TRPC4: variants seen among roughly 807,000 people sequenced by gnomAD.
TRPC4 encodes the protein transient receptor potential cation channel subfamily C member 4.
In TRPC4, 49 loss-of-function variants were observed where a neutral mutation model predicts 99.4. That is an observed-to-expected ratio of 0.49 (90% CI 0.39 to 0.63). The LOEUF (loss-of-function observed/expected upper bound fraction) is 0.63, where lower values mean the gene tolerates loss of function less well. Ranked by LOEUF, TRPC4 falls within the 20% of genes least tolerant of loss-of-function variation. The probability of loss-of-function intolerance (pLI) is 0.00; values close to 1 mark genes in which losing one functional copy is unlikely to be tolerated. For missense variants in TRPC4, 898 were observed against 1,152.9 expected (o/e 0.78, Z 3.20); for synonymous variants, 454 against 425.9 (o/e 1.07, Z -0.81).
At position 37,839,222 on chromosome 13, in the gene TRPC4, A is replaced by G. The variant is rs531239835; in HGVS notation, c.-28+30373T>C. On this transcript the variant is annotated intron_variant, in intron 1 of 10. Coordinates refer to ENST00000379705, the MANE Select transcript of TRPC4 (RefSeq NM_016179.4). ...GCTATTCGCATTCCCTCCTAGAGCC[A>G]TCATGTGCCTGCTTTTCCTCTGTTC... Among the ~76,000 whole-genome samples, 33 of 152,240 alleles carry G rather than the reference A, an allele frequency of 2.2e-4. No individual in the cohort carries two copies. In the South Asian group the frequency reaches 6.4e-3, roughly 30 times the overall value.
chr13:37,697,496 G>A (rs1367372125), intron 3 of TRPC4, among the ~76,000 whole-genome samples: 2 of 152,224 alleles, frequency 1.3e-5, no homozygotes, highest in Non-Finnish European at 2.9e-5. Flanking sequence ...TAAAAACACA[G>A]GGATAGAGAT....
intron 4 of TRPC4, among the ~76,000 whole-genome samples, chr13:37,683,663 CT>C (rs1431057542): frequency 6.6e-6 from 1 of 152,126 alleles, no homozygotes; most frequent in African/African-American, 2.4e-5. Flanking sequence ...CAAGAAAGAG[CT>C]CTGACCAGGG....
intron 1 of TRPC4, among the ~76,000 whole-genome samples, chr13:37,808,456 G>T (rs533216197): frequency 6.6e-6 from 1 of 152,144 alleles, no homozygotes; most frequent in African/African-American, 2.4e-5. Context: ...AATACATTTT[G>T]ATGGAACTGT....
chr13:37,729,078 A>G (rs1231944535), intron 3 of TRPC4, among the ~76,000 whole-genome samples: 6 of 152,158 alleles, frequency 3.9e-5, no homozygotes, highest in Admixed American at 2.6e-4. Flanking sequence ...TTAGAAAAAT[A>G]AGTAGAACAT....
At chr13:37,674,452 C>G in intron 4 of TRPC4, 85 bp from the exon 5 acceptor site, 1 of 1,445,866 alleles carries the variant, frequency 6.9e-7, no homozygotes, top group Non-Finnish European at 9.3e-7. Flanking sequence ...TTATAGATCT[C>G]GAAGCTACAA....
rs1951431046 is a variant in TRPC4 at position 37,633,239 on chromosome 13, A to C, written c.*3664T>G. 6.6e-6 allele frequency among the ~76,000 whole-genome samples: 1 copy of C among 152,204 alleles called. No homozygotes were observed. The highest frequency in any genetic ancestry group is 2.4e-5 in the African/African-American group (1 of 41,460). On this transcript the variant is annotated 3_prime_UTR_variant, in exon 11 of 11. Transcript: ENST00000379705. ...TATTAAATTTCTAAATTCTATGGTT[A>C]GTTTTAAGTCAGAATTTCAGATAAT...
chr13:37,727,820 A>G (rs1195659092), intron 3 of TRPC4, among the ~76,000 whole-genome samples: 1 of 152,110 alleles, frequency 6.6e-6, no homozygotes, highest in Non-Finnish European at 1.5e-5. Flanking sequence ...AAATTTTTGG[A>G]AACACAAAAC....
At chr13:37,745,427 T>G (rs1048890472) in intron 3 of TRPC4, among the ~76,000 whole-genome samples, 1 of 99,168 alleles carries the variant, frequency 1.0e-5, no homozygotes, top group Non-Finnish European at 1.9e-5. Context: ...TATTTATATA[T>G]ATATATGCGT....
intron 3 of TRPC4, among the ~76,000 whole-genome samples, chr13:37,705,409 A>T (rs1239044093): frequency 6.6e-6 from 1 of 152,170 alleles, no homozygotes; most frequent in Non-Finnish European, 1.5e-5. Flanking sequence ...AATGTATTAT[A>T]TTCTTGAAGA....
chr13:37,842,053 T>C (rs1958744237), intron 1 of TRPC4, among the ~76,000 whole-genome samples: 1 of 151,916 alleles, frequency 6.6e-6, no homozygotes, highest in Admixed American at 6.6e-5. Context: ...GTGGATCACT[T>C]GAGGTCAGGG....
intron 3 of TRPC4, among the ~76,000 whole-genome samples, chr13:37,741,279 A>C (rs949234454): frequency 2.0e-5 from 3 of 152,180 alleles, no homozygotes; most frequent in African/African-American, 7.2e-5. Context: ...AGGCAAGAGG[A>C]ATGACTACAT....
At chr13:37,814,525 C>T (rs1288349912) in intron 1 of TRPC4, among the ~76,000 whole-genome samples, 3 of 151,084 alleles carry the variant, frequency 2.0e-5, no homozygotes, top group African/African-American at 7.3e-5. Flanking sequence ...GGAATAATTC[C>T]AAAACAAAAC....
chr13:37,733,801 T>C (rs1955312522), intron 3 of TRPC4, among the ~76,000 whole-genome samples: 1 of 152,152 alleles, frequency 6.6e-6, no homozygotes, highest in South Asian at 2.1e-4. Flanking sequence ...TCAGATAAGG[T>C]GACACTTAGA....
intron 1 of TRPC4, among the ~76,000 whole-genome samples, chr13:37,791,398 TAAA>T (rs11312586): frequency 1.1e-4 from 13 of 114,704 alleles, no homozygotes; most frequent in African/African-American, 2.2e-4. Flanking sequence ...TCTGTCTCAA[TAAA>T]AAAAAAAAAA....
chr13:37,654,061 G>A (rs943397063), intron 7 of TRPC4, among the ~76,000 whole-genome samples: 4 of 152,078 alleles, frequency 2.6e-5, no homozygotes, highest in Non-Finnish European at 4.4e-5. Context: ...GAATACTTTA[G>A]TCTGTGAATC....
chr13:37,774,850 T>C (rs1186087857), intron 2 of TRPC4, among the ~76,000 whole-genome samples: 1 of 151,782 alleles, frequency 6.6e-6, no homozygotes, highest in Non-Finnish European at 1.5e-5. Flanking sequence ...TTACTGAGCC[T>C]TCTAATCATA....
intron 3 of TRPC4, among the ~76,000 whole-genome samples, chr13:37,731,576 C>CAAAG (rs1193305918): frequency 6.6e-6 from 1 of 151,926 alleles, no homozygotes; most frequent in Non-Finnish European, 1.5e-5. Context: ...ACTAGTACAG[C>CAAAG]TTCCTAGGCA....
chr13:37,709,948 T>C (rs1279035839), intron 3 of TRPC4, among the ~76,000 whole-genome samples: 1 of 151,966 alleles, frequency 6.6e-6, no homozygotes, highest in Non-Finnish European at 1.5e-5. Flanking sequence ...TTTATGGCTT[T>C]AAGATTGCTG....
intron 1 of TRPC4, among the ~76,000 whole-genome samples, chr13:37,800,608 A>G (rs1957375794): frequency 6.6e-6 from 1 of 152,132 alleles, no homozygotes; most frequent in Admixed American, 6.6e-5. Context: ...TACTAGAAAT[A>G]TTCTCCAAAT....
Sources: allele counts gnomAD v4.1 joint callset (sites outside exome capture counted in the v4.1 genomes callset), GRCh38; gene constraint gnomAD v4.1.1; transcripts MANE v1.5; gene names NCBI Gene and HGNC (gene_info 2026-07-23, HGNC 2026-07-21).